BACH2: variants seen among roughly 807,000 people sequenced by gnomAD.
BACH2 encodes transcription regulator protein BACH2.
In BACH2, 5 loss-of-function variants were observed where a neutral mutation model predicts 61.8. That is an observed-to-expected ratio of 0.08 (90% CI 0.04 to 0.17). The LOEUF is 0.17. Ranked by LOEUF, BACH2 falls within the 10% of genes least tolerant of loss-of-function variation. The pLI is 1.00. For synonymous variants in BACH2, 446 were observed against 440.1 expected (o/e 1.01, Z -0.17); for missense variants, 824 against 1,091.1 (o/e 0.76, Z 3.45).
intron 6 of BACH2, among the ~76,000 whole-genome samples, chr6:89,972,409 T>C (rs78800707): frequency 0.048 from 7,308 of 151,844 alleles, 463 homozygotes; most frequent in African/African-American, 0.15. Flanking sequence ...AGTCTGAGAG[T>C]ATAGGCCAAT....
At chr6:89,985,295 G>A (rs1181760858) in intron 6 of BACH2, among the ~76,000 whole-genome samples, 1 of 152,126 alleles carries the variant, frequency 6.6e-6, no homozygotes, top group Non-Finnish European at 1.5e-5. Flanking sequence ...AACTGAGGTG[G>A]CCACCTGGGA....
chr6:90,280,998 A>G (rs1233329684), intron 1 of BACH2, among the ~76,000 whole-genome samples: 1 of 152,226 alleles, frequency 6.6e-6, no homozygotes, highest in East Asian at 1.9e-4. Flanking sequence ...CCAGACCCCT[A>G]AACATCTTTA....
intron 3 of BACH2, among the ~76,000 whole-genome samples, chr6:90,230,362 C>T (rs1348993619): frequency 1.3e-5 from 2 of 152,166 alleles, no homozygotes; most frequent in African/African-American, 2.4e-5. Flanking sequence ...ATGCATCATA[C>T]CTATACATGT....
intron 5 of BACH2, among the ~76,000 whole-genome samples, chr6:90,019,002 C>A (rs542090213): frequency 1.3e-5 from 2 of 152,270 alleles, no homozygotes; most frequent in South Asian, 2.1e-4. Flanking sequence ...ATTTTCTTAT[C>A]TCCCATATAG....
At chr6:90,291,103 AG>A (rs1490564535) in intron 1 of BACH2, among the ~76,000 whole-genome samples, 1 of 152,212 alleles carries the variant, frequency 6.6e-6, no homozygotes, top group African/African-American at 2.4e-5. Flanking sequence ...TCAGAACCAA[AG>A]GGCAATTCAT....
intron 6 of BACH2, among the ~76,000 whole-genome samples, chr6:89,967,841 ATC>A (rs564605340): frequency 2.0e-5 from 3 of 152,016 alleles, no homozygotes; most frequent in Non-Finnish European, 4.4e-5. Flanking sequence ...CCCCTCCATG[ATC>A]TCTCTGGATA....
chr6:90,239,454 C>A (rs987286475), intron 3 of BACH2, among the ~76,000 whole-genome samples: 4 of 152,266 alleles, frequency 2.6e-5, no homozygotes, highest in Non-Finnish European at 4.4e-5. Context: ...CATGGGTGAA[C>A]CTGAGCCAGG....
intron 6 of BACH2, among the ~76,000 whole-genome samples, chr6:89,991,956 C>A (rs1776598414): frequency 6.6e-6 from 1 of 152,112 alleles, no homozygotes; most frequent in South Asian, 2.1e-4. Flanking sequence ...ACGGTGAGTT[C>A]ATTTTTGTTT....
At chr6:89,954,296 TTC>T (rs1453054134) in intron 6 of BACH2, among the ~76,000 whole-genome samples, 1 of 133,958 alleles carries the variant, frequency 7.5e-6, no homozygotes, top group Admixed American at 7.3e-5. Context: ...CACACAGTTT[TTC>T]TTTTTTTTTT....
rs972265273 is a variant in BACH2, at chr6:90,116,870, T to C, written c.-161-27761A>G. ...GGAGCACGCTTTGATATTTGATAGA[T>C]GCCTCCAGGACCAAGGGATGTCTTT... On this transcript the variant is annotated intron_variant, in intron 4 of 8. Transcript: ENST00000257749. The C allele has an allele frequency of 1.6e-5, 10 of 629,638 alleles. No homozygotes were observed. The Admixed American group carries it at 3.2e-4, about 20-fold the overall frequency. 39.0% of individuals were successfully genotyped at this position (629,638 alleles called of 1,614,324 possible). A position where few individuals can be genotyped will look rare whatever the true frequency, so the allele number is the denominator to read the frequency against.
intron 4 of BACH2, among the ~76,000 whole-genome samples, chr6:90,202,739 T>G (rs566127723): frequency 2.6e-5 from 4 of 152,182 alleles, no homozygotes; most frequent in Non-Finnish European, 5.9e-5. Flanking sequence ...TAAAAAACAA[T>G]GACCATGAGG....
At chr6:90,115,067 A>T (rs573325244) in intron 4 of BACH2, among the ~76,000 whole-genome samples, 2 of 152,334 alleles carry the variant, frequency 1.3e-5, no homozygotes, top group South Asian at 4.1e-4. Context: ...GGATAGGAAT[A>T]ATCAATATCA....
intron 6 of BACH2, among the ~76,000 whole-genome samples, chr6:89,997,319 A>G (rs1776905306): frequency 6.6e-6 from 1 of 152,216 alleles, no homozygotes; most frequent in Non-Finnish European, 1.5e-5. Context: ...AAAAATCTCC[A>G]GTTACGAAAA....
rs116840665 is a variant in BACH2 at position 90,053,629 on chromosome 6, T to C, written c.-13+35332A>G. On this transcript the variant is annotated intron_variant, in intron 5 of 8. Transcript: ENST00000257749. ...CAGTGTAAGTCTGCTGGTGGTAAAC[T>C]CCCTTAGGTTTTGTACGTCTGAAGA... Among the ~76,000 whole-genome samples, 582 of 152,318 alleles carry C rather than the reference T, an allele frequency of 3.8e-3. 6 individuals carry two copies. Among genetic ancestry groups the C allele is most frequent in the African/African-American group, 0.013 (555 of 41,568 alleles).
chr6:89,976,931 AG>A (rs1775684113), intron 6 of BACH2, among the ~76,000 whole-genome samples: 2 of 152,206 alleles, frequency 1.3e-5, no homozygotes, highest in South Asian at 4.1e-4. Flanking sequence ...CACCAGAAAA[AG>A]GTCTGCTCGC....
intron 5 of BACH2, among the ~76,000 whole-genome samples, chr6:90,060,069 T>C (rs1189915892): frequency 6.6e-6 from 1 of 151,326 alleles, no homozygotes; most frequent in Non-Finnish European, 1.5e-5. Context: ...GGCACATGTA[T>C]ACGTATGTAA....
chr6:90,102,283 C>T (rs1212582421), intron 4 of BACH2, among the ~76,000 whole-genome samples: 1 of 151,886 alleles, frequency 6.6e-6, no homozygotes, highest in African/African-American at 2.4e-5. Context: ...CCTGGGACTC[C>T]AGGATACATG....
At chr6:89,957,702 A>T (rs1012167274) in intron 6 of BACH2, among the ~76,000 whole-genome samples, 2 of 152,094 alleles carry the variant, frequency 1.3e-5, no homozygotes, top group Non-Finnish European at 2.9e-5. Flanking sequence ...CACTATGCCC[A>T]GCTAATTTTT....
chr6:89,999,801 T>A lies in BACH2; in HGVS notation c.243+8801A>T, dbSNP rs76425805. ...TACGCCGGTAACTATTTTAAAAAAA[T>A]TGATGCAAACAAGTTTACTTTCAGA... On this transcript the variant is annotated intron_variant, in intron 6 of 8. Transcript: ENST00000257749. Among the ~76,000 whole-genome samples, 1,205 of 152,300 alleles carry A rather than the reference T, an allele frequency of 7.9e-3. 29 individuals are homozygous for A. In the East Asian group the frequency reaches 0.08, roughly 10 times the overall value.
Sources: gnomAD v4.1 joint callset for allele counts (sites outside exome capture counted in the v4.1 genomes callset) on GRCh38, gnomAD v4.1.1 for gene constraint, MANE v1.5 for transcripts, NCBI Gene and HGNC (gene_info 2026-07-23, HGNC 2026-07-21) for gene names.